The following RNLS variants were observed in gnomAD, a reference collection of about 807,000 sequenced individuals.
RNLS encodes the protein renalase.
A neutral mutation model predicts 39.8 loss-of-function variants in RNLS; 39 were observed. The observed-to-expected ratio is 0.98, with a 90% CI of 0.76 to 1.28. The LOEUF (loss-of-function observed/expected upper bound fraction) is 1.28. Among genes scored for constraint, RNLS ranks in the 50% most tolerant of loss-of-function variants. The pLI, the probability that RNLS is intolerant of heterozygous loss-of-function variation, is 0.00. For missense variants in RNLS, 410 were observed against 413.3 expected (o/e 0.99, Z 0.07); for synonymous variants, 147 against 150.7 (o/e 0.98, Z 0.18).
chr10:88,512,260 T>C (rs566678529), intron 4 of RNLS, among the ~76,000 whole-genome samples: 1 of 152,194 alleles, frequency 6.6e-6, no homozygotes, highest in Non-Finnish European at 1.5e-5. Context: ...GCAGTCTGTT[T>C]GCACCCTTTT....
intron 3 of RNLS, among the ~76,000 whole-genome samples, chr10:88,579,015 G>T (rs1850368995): frequency 1.3e-5 from 2 of 152,000 alleles, no homozygotes; most frequent in Admixed American, 6.6e-5. Context: ...CTGACAAAAG[G>T]CATACTAATA....
intron 6 of RNLS, among the ~76,000 whole-genome samples, chr10:88,310,849 G>C (rs1470472896): frequency 8.5e-6 from 1 of 117,422 alleles, no homozygotes; most frequent in Admixed American, 8.9e-5. Context: ...AAGAGAAAAG[G>C]TACAAGCTCA....
the RNLS span, among the ~76,000 whole-genome samples, chr10:88,238,031 A>G: frequency 6.6e-6 from 1 of 152,236 alleles, no homozygotes; most frequent in African/African-American, 2.4e-5. Flanking sequence ...ACATGTCTAA[A>G]GGCAAACTAG....
At chr10:88,450,195 G>A (rs1210597681) in intron 4 of RNLS, among the ~76,000 whole-genome samples, 1 of 152,182 alleles carries the variant, frequency 6.6e-6, no homozygotes, top group African/African-American at 2.4e-5. Flanking sequence ...ATTGGAGAGA[G>A]AATGTCAAAA....
At chr10:88,559,985 C>T (rs1242095928) in intron 4 of RNLS, among the ~76,000 whole-genome samples, 1 of 151,568 alleles carries the variant, frequency 6.6e-6, no homozygotes, top group Admixed American at 6.6e-5. Context: ...TTTTAGAGTA[C>T]ATGTGATATT....
intron 6 of RNLS, among the ~76,000 whole-genome samples, chr10:88,313,835 C>A (rs1471176803): frequency 6.6e-6 from 1 of 152,200 alleles, no homozygotes; most frequent in African/African-American, 2.4e-5. Flanking sequence ...TGAATACTCA[C>A]TTCCATTGAA....
intron 4 of RNLS, among the ~76,000 whole-genome samples, chr10:88,380,313 T>A (rs1851345815): frequency 6.6e-6 from 1 of 151,656 alleles, no homozygotes; most frequent in Non-Finnish European, 1.5e-5. Context: ...GAAATTTGAG[T>A]TTTATGTATC....
At chr10:88,544,364 C>T (rs935172336) in intron 4 of RNLS, among the ~76,000 whole-genome samples, 1 of 152,172 alleles carries the variant, frequency 6.6e-6, no homozygotes, top group African/African-American at 2.4e-5. Flanking sequence ...GATAAATGCA[C>T]TCTTCCTCAT....
chr10:88,236,159 T>A, the RNLS span, among the ~76,000 whole-genome samples: 16 of 152,344 alleles, frequency 1.1e-4, no homozygotes, highest in African/African-American at 3.8e-4. Flanking sequence ...TTGAAAATAG[T>A]TGGATTTTGC....
At chr10:88,240,256 T>C in the RNLS span, among the ~76,000 whole-genome samples, 4 of 152,340 alleles carry the variant, frequency 2.6e-5, no homozygotes, top group East Asian at 5.8e-4. Context: ...GTATACTGAG[T>C]AAACTGCTGG....
chr10:88,266,670 C>T, the RNLS span, among the ~76,000 whole-genome samples: 1 of 149,860 alleles, frequency 6.7e-6, no homozygotes, highest in African/African-American at 2.5e-5. Flanking sequence ...CTCCTACTTC[C>T]AAGGCAATCT....
chr10:88,265,034 A>G, the RNLS span, among the ~76,000 whole-genome samples: 3 of 152,210 alleles, frequency 2.0e-5, no homozygotes, highest in Non-Finnish European at 4.4e-5. Flanking sequence ...ATGAGGATCC[A>G]GTTTTATTCT....
chr10:88,284,041 A>C, downstream of RNLS: 8 of 627,696 alleles, frequency 1.3e-5, no homozygotes, highest in Non-Finnish European at 1.6e-5. Flanking sequence ...ATCATTTTAT[A>C]GAGACTACAA....
At chr10:88,316,239 A>T (rs935772273) in intron 5 of RNLS, among the ~76,000 whole-genome samples, 3 of 152,198 alleles carry the variant, frequency 2.0e-5, no homozygotes, top group South Asian at 2.1e-4. Flanking sequence ...GAGGAAATAG[A>T]GGGGCCATCT....
the RNLS span, among the ~76,000 whole-genome samples, chr10:88,230,291 A>AT: frequency 6.6e-6 from 1 of 151,938 alleles, no homozygotes; most frequent in South Asian, 2.1e-4. Context: ...GTAACAACCA[A>AT]TTTTTTTTGT....
chr10:88,293,582 G>A (rs997381040), intron 6 of RNLS, among the ~76,000 whole-genome samples: 1 of 151,886 alleles, frequency 6.6e-6, no homozygotes, highest in African/African-American at 2.4e-5. Flanking sequence ...TTATTCTTTT[G>A]TTTAAATTCT....
the RNLS span, among the ~76,000 whole-genome samples, chr10:88,174,360 C>T: frequency 6.6e-6 from 1 of 151,926 alleles, no homozygotes; most frequent in East Asian, 1.9e-4. Flanking sequence ...TGAAAGCTTT[C>T]AATGTTTCCC....
intron 4 of RNLS, among the ~76,000 whole-genome samples, chr10:88,487,248 G>A (rs930461533): frequency 6.6e-6 from 1 of 152,016 alleles, no homozygotes; most frequent in African/African-American, 2.4e-5. Flanking sequence ...TATACCTATT[G>A]GGTACTAGGC....
intron 4 of RNLS, among the ~76,000 whole-genome samples, chr10:88,384,774 G>C (rs868832437): frequency 1.3e-5 from 2 of 152,144 alleles, no homozygotes; most frequent in Admixed American, 6.5e-5. Flanking sequence ...TGAGCTTTTC[G>C]CTTATGAAAT....
Sources: gnomAD v4.1 joint callset for allele counts (sites outside exome capture counted in the v4.1 genomes callset) on GRCh38, gnomAD v4.1.1 for gene constraint, MANE v1.5 for transcripts, NCBI Gene and HGNC (gene_info 2026-07-23, HGNC 2026-07-21) for gene names.